The following ADAMTS12 variants were observed in gnomAD, a reference collection of about 807,000 sequenced individuals.
ADAMTS12 encodes ADAM metallopeptidase with thrombospondin type 1 motif 12.
ADAMTS12 carries 118 observed loss-of-function variants against 167.8 expected under a neutral mutation model. That is an observed-to-expected ratio of 0.70 (90% confidence interval 0.61 to 0.82). The LOEUF (loss-of-function observed/expected upper bound fraction) is 0.82, where lower values mean the gene tolerates loss of function less well. ADAMTS12 is among the 40% of genes least tolerant of loss of function. The pLI, the probability that ADAMTS12 is intolerant of heterozygous loss-of-function variation, is 0.00. For missense variants in ADAMTS12, 1,916 were observed against 1,998.8 expected, an observed-to-expected ratio of 0.96 and a Z score of 0.79; for synonymous variants, 704 against 716.9, an observed-to-expected ratio of 0.98 and a Z score of 0.29.
chr5:33,675,576 T>G (rs1032331676), intron 5 of ADAMTS12, among the ~76,000 whole-genome samples: 4 of 152,208 alleles, frequency 2.6e-5, no homozygotes, highest in Admixed American at 2.0e-4. Context: ...ACAAAGCAAG[T>G]GTACAATTAA....
chr5:33,704,456 T>G (rs1351324906), intron 3 of ADAMTS12, among the ~76,000 whole-genome samples: 1 of 152,176 alleles, frequency 6.6e-6, no homozygotes, highest in Non-Finnish European at 1.5e-5. Context: ...CAATTTACAT[T>G]TCCACCAAGA....
chr5:33,849,562 A>AATAT lies in ADAMTS12; in HGVS notation c.489+31556_489+31557insATAT, dbSNP rs1561306951. Among the ~76,000 whole-genome samples, 61 of 140,266 alleles carry AATAT rather than the reference A, an allele frequency of 4.3e-4. 5 individuals carry two copies. Among genetic ancestry groups the AATAT allele is most frequent in the East Asian group, 3.1e-3 (14 of 4,474 alleles). The allele number at this position is 140,266 out of a possible 152,430, so 92.0% of individuals were successfully genotyped here. On this transcript the variant is annotated intron_variant, in intron 2 of 23. Transcript: ENST00000504830. ...TATATACATATATGTACTGCATAGCAATACACATGTGTATTGCATAGCAAT... is the reference window on the plus strand; with the variant it reads ...TATATACATATATGTACTGCATAGCAATATATACACATGTGTATTGCATAGCAAT...
At chr5:33,721,609 T>C (rs1229861192) in intron 3 of ADAMTS12, among the ~76,000 whole-genome samples, 1 of 152,206 alleles carries the variant, frequency 6.6e-6, no homozygotes, top group Non-Finnish European at 1.5e-5. Context: ...TGCTAGTGCA[T>C]ACAAAATGGC....
chr5:33,831,518 T>C (rs904146904), intron 2 of ADAMTS12, among the ~76,000 whole-genome samples: 8 of 152,216 alleles, frequency 5.3e-5, no homozygotes, highest in African/African-American at 1.7e-4. Flanking sequence ...AATATTTTGC[T>C]TGACTTACTG....
intron 7 of ADAMTS12, among the ~76,000 whole-genome samples, chr5:33,654,230 T>C (rs1373997469): frequency 6.6e-6 from 1 of 152,208 alleles, no homozygotes; most frequent in Non-Finnish European, 1.5e-5. Flanking sequence ...TAATTGCTCA[T>C]TGAAGCTTTT....
chr5:33,626,225 C>T (rs866185972), intron 13 of ADAMTS12, among the ~76,000 whole-genome samples: 9 of 146,746 alleles, frequency 6.1e-5, no homozygotes, highest in Non-Finnish European at 9.0e-5. Flanking sequence ...GGAGTAGTGG[C>T]GATGGTGATG....
chr5:33,716,391 C>T (rs1424719364), intron 3 of ADAMTS12, among the ~76,000 whole-genome samples: 1 of 152,094 alleles, frequency 6.6e-6, no homozygotes, highest in Non-Finnish European at 1.5e-5. Flanking sequence ...CCCAAATGGA[C>T]TAAAGACACA....
At chr5:33,851,355 T>C (rs1295262646) in intron 2 of ADAMTS12, among the ~76,000 whole-genome samples, 2 of 152,106 alleles carry the variant, frequency 1.3e-5, no homozygotes, top group East Asian at 3.9e-4. Flanking sequence ...GAGCTTGCAG[T>C]GAGCCGAGAT....
intron 19 of ADAMTS12, among the ~76,000 whole-genome samples, chr5:33,568,658 G>A (rs1027174921): frequency 1.3e-5 from 2 of 152,374 alleles, no homozygotes; most frequent in East Asian, 1.9e-4. Flanking sequence ...TGGAGTCTGC[G>A]TGAGTGACGC....
chr5:33,825,017 C>A (rs1008380140), intron 2 of ADAMTS12, among the ~76,000 whole-genome samples: 1 of 152,196 alleles, frequency 6.6e-6, no homozygotes, highest in East Asian at 1.9e-4. Flanking sequence ...CTGACCCAGA[C>A]TGTGCTATCG....
At position 33,615,873 on chromosome 5, in the gene ADAMTS12, T is replaced by C; in HGVS notation, c.2343A>G (p.Glu781=). 1.2e-6 allele frequency: 2 copies of C among 1,614,170 alleles called. No individual in the cohort carries two copies. Among genetic ancestry groups the C allele is most frequent in the Non-Finnish European group, 1.7e-6 (2 of 1,180,010 alleles). Residue 781 remains glutamate (E), a synonymous_variant, in exon 15 of 24, where the codon GAA becomes GAG. Transcript: ENST00000504830. ...TGGTGGGACCTGTGGCCATCAGCTT[T>C]TCCAGGTCTCCTTTCCTGTCATACT... ...VFQYDRKGDL[E]KLMATGPTNE...
At chr5:33,620,473 T>G (rs1739264904) in intron 14 of ADAMTS12, among the ~76,000 whole-genome samples, 1 of 152,202 alleles carries the variant, frequency 6.6e-6, no homozygotes, top group African/African-American at 2.4e-5. Flanking sequence ...TAAACAGATA[T>G]TTGCAACACT....
intron 7 of ADAMTS12, among the ~76,000 whole-genome samples, chr5:33,654,836 C>T (rs182270982): frequency 1.3e-5 from 2 of 150,948 alleles, no homozygotes; most frequent in African/African-American, 2.4e-5. Flanking sequence ...CCCTTTCCTA[C>T]TCCTTTGGAT....
chr5:33,760,982 A>C, intron 2 of ADAMTS12, among the ~76,000 whole-genome samples: 1 of 152,134 alleles, frequency 6.6e-6, no homozygotes, highest in East Asian at 1.9e-4. Flanking sequence ...CCAAAAAATA[A>C]AATGTCCGAC....
intron 19 of ADAMTS12, among the ~76,000 whole-genome samples, chr5:33,567,796 C>T (rs1331721328): frequency 6.6e-6 from 1 of 152,124 alleles, no homozygotes; most frequent in Non-Finnish European, 1.5e-5. Context: ...AAGGTCACCA[C>T]ATAACTGGCA....
At position 33,559,546 on chromosome 5, in the gene ADAMTS12, A is replaced by C. The variant is rs183348553; in HGVS notation, c.4125+1481T>G. ...TGGAGACAGCACAGCAAAATGAGTAATCACAGTAAGATTAGCAAAGATGGT... is the reference window on the plus strand; with the variant it reads ...TGGAGACAGCACAGCAAAATGAGTACTCACAGTAAGATTAGCAAAGATGGT... On this transcript the variant is annotated intron_variant, in intron 20 of 23. Coordinates refer to ENST00000504830, the MANE Select transcript of ADAMTS12 (RefSeq NM_030955.4). 5.9e-5 allele frequency among the ~76,000 whole-genome samples: 9 copies of C among 152,352 alleles called. No individual in the cohort carries two copies. The East Asian group carries it at 1.7e-3, about 29-fold the overall frequency.
At chr5:33,697,651 C>G (rs1742832937) in intron 3 of ADAMTS12, among the ~76,000 whole-genome samples, 1 of 152,220 alleles carries the variant, frequency 6.6e-6, no homozygotes, top group African/African-American at 2.4e-5. Flanking sequence ...TACCAGCTCA[C>G]ATTCCTTTCC....
At chr5:33,756,788 T>C (rs548015040) in intron 2 of ADAMTS12, among the ~76,000 whole-genome samples, 1 of 152,276 alleles carries the variant, frequency 6.6e-6, no homozygotes, top group South Asian at 2.1e-4. Context: ...ATAGTTACCA[T>C]GACCCAAGCA....
chr5:33,537,542 A>T (rs1490331935), intron 22 of ADAMTS12, among the ~76,000 whole-genome samples: 1 of 152,216 alleles, frequency 6.6e-6, no homozygotes, highest in African/African-American at 2.4e-5. Context: ...CTACCCATAC[A>T]TACCACACTT....
Sources: gnomAD v4.1 joint callset for allele counts (sites outside exome capture counted in the v4.1 genomes callset) on GRCh38, gnomAD v4.1.1 for gene constraint, MANE v1.5 for transcripts, NCBI Gene and HGNC (gene_info 2026-07-23, HGNC 2026-07-21) for gene names.